CPQ: variants seen among roughly 807,000 people sequenced by gnomAD.
The protein encoded by CPQ is carboxypeptidase Q, also known as Ser-Met dipeptidase.
CPQ carries 37 observed loss-of-function variants against 45.7 expected under a neutral mutation model. The observed-to-expected ratio is 0.81, with a 90% CI of 0.62 to 1.07. The LOEUF (loss-of-function observed/expected upper bound fraction) is 1.07, where lower values mean the gene tolerates loss of function less well. CPQ is among the 50% of genes least tolerant of loss of function. CPQ has a pLI of 0.00. For missense variants in CPQ, 537 were observed against 572.9 expected, an observed-to-expected ratio of 0.94 and a Z score of 0.64; for synonymous variants, 186 against 205.8, an observed-to-expected ratio of 0.90 and a Z score of 0.82.
intron 6 of CPQ, among the ~76,000 whole-genome samples, chr8:97,036,203 G>A (rs1347142116): frequency 6.6e-6 from 1 of 152,102 alleles, no homozygotes; most frequent in African/African-American, 2.4e-5. Context: ...AGAACACATG[G>A]GGGCTGTTGA....
intron 5 of CPQ, among the ~76,000 whole-genome samples, chr8:97,023,076 T>C (rs980994145): frequency 7.3e-6 from 1 of 137,438 alleles, no homozygotes; most frequent in Non-Finnish European, 1.6e-5. Context: ...CTGTAGTGTA[T>C]ATATATACAC....
At chr8:96,817,854 A>G (rs1811250565) in intron 2 of CPQ, among the ~76,000 whole-genome samples, 1 of 151,998 alleles carries the variant, frequency 6.6e-6, no homozygotes, top group African/African-American at 2.4e-5. Context: ...GATTCAAGCA[A>G]TTCTCCTACC....
chr8:96,825,273 AT>A (rs978330541), intron 2 of CPQ, among the ~76,000 whole-genome samples: 8 of 151,962 alleles, frequency 5.3e-5, no homozygotes, highest in Non-Finnish European at 7.4e-5. Context: ...TCTGGAAAAG[AT>A]ACTTTCTCTT....
chr8:96,826,405 G>T (rs942332348), intron 2 of CPQ, among the ~76,000 whole-genome samples: 2 of 151,920 alleles, frequency 1.3e-5, no homozygotes, highest in East Asian at 3.9e-4. Flanking sequence ...ACTCAGTAAT[G>T]CTATGATAAC....
chr8:96,947,360 G>T (rs747463646), intron 4 of CPQ, among the ~76,000 whole-genome samples: 2 of 152,100 alleles, frequency 1.3e-5, no homozygotes, highest in Non-Finnish European at 2.9e-5. Flanking sequence ...GCACAACAAA[G>T]AAATTGCCTA....
chr8:97,076,706 C>A (rs959219677), intron 7 of CPQ, among the ~76,000 whole-genome samples: 1 of 151,874 alleles, frequency 6.6e-6, no homozygotes, highest in Non-Finnish European at 1.5e-5. Context: ...TTTTTTTTAG[C>A]GGGGGAGAGG....
chr8:96,704,373 T>C (rs1204438865), intron 1 of CPQ, among the ~76,000 whole-genome samples: 1 of 152,206 alleles, frequency 6.6e-6, no homozygotes, highest in East Asian at 1.9e-4. Context: ...AGTAGATGCT[T>C]AATAAATGTT....
chr8:96,904,397 T>C (rs532817336), intron 4 of CPQ, among the ~76,000 whole-genome samples: 1 of 152,288 alleles, frequency 6.6e-6, no homozygotes, highest in African/African-American at 2.4e-5. Context: ...AATGTTTACA[T>C]TGTTGTTTTG....
chr8:97,025,543 C>T (rs751956417), intron 5 of CPQ, among the ~76,000 whole-genome samples: 1 of 152,154 alleles, frequency 6.6e-6, no homozygotes, highest in South Asian at 2.1e-4. Context: ...ATGGTCCTCC[C>T]TGCGTCTTCA....
rs535084237 is a variant in CPQ, at chr8:96,769,496, G to A, written c.-34-15368G>A. On this transcript the variant is annotated intron_variant, in intron 1 of 7. Transcript: ENST00000220763. ...TGTTCTCCAGGGCAGCCACCCTCAT[G>A]GTCAGCCCAGCATCCTCAGCTAACA... 2.0e-5 allele frequency among the ~76,000 whole-genome samples: 3 copies of A among 152,222 alleles called. No individual in the cohort carries two copies. In the East Asian group the frequency reaches 5.8e-4, roughly 29 times the overall value.
chr8:96,780,222 T>C (rs1021510283), intron 1 of CPQ, among the ~76,000 whole-genome samples: 3 of 152,196 alleles, frequency 2.0e-5, no homozygotes, highest in African/African-American at 7.2e-5. Context: ...TAGTTAATTA[T>C]GGTAGAAACA....
intron 1 of CPQ, among the ~76,000 whole-genome samples, chr8:96,730,895 ATTTTTTTT>A (rs34672701): frequency 8.2e-6 from 1 of 122,342 alleles, no homozygotes; most frequent in Non-Finnish European, 1.8e-5. Flanking sequence ...ATATATATGC[ATTTTTTTT>A]TAAAAAGATA....
chr8:96,931,686 G>A (rs761164615), intron 4 of CPQ, among the ~76,000 whole-genome samples: 1 of 152,046 alleles, frequency 6.6e-6, no homozygotes, highest in Non-Finnish European at 1.5e-5. Context: ...TGGAGCCCAG[G>A]GACTAACACG....
chr8:97,091,971 C>T (rs1322413907), intron 7 of CPQ, among the ~76,000 whole-genome samples: 1 of 152,018 alleles, frequency 6.6e-6, no homozygotes, highest in Non-Finnish European at 1.5e-5. Context: ...ATCCTAAATG[C>T]CTCTGGTACC....
intron 7 of CPQ, among the ~76,000 whole-genome samples, chr8:97,112,227 G>C (rs948317397): frequency 6.6e-6 from 1 of 150,600 alleles, no homozygotes; most frequent in Non-Finnish European, 1.5e-5. Context: ...GATGAAAACA[G>C]TGTCTACTTC....
chr8:97,006,949 C>T (rs1012228394), intron 5 of CPQ, among the ~76,000 whole-genome samples: 1 of 151,958 alleles, frequency 6.6e-6, no homozygotes, highest in African/African-American at 2.4e-5. Flanking sequence ...TTTGGCAACC[C>T]AAGTATATTA....
At chr8:96,821,223 T>C (rs1292589372) in intron 2 of CPQ, among the ~76,000 whole-genome samples, 1 of 151,382 alleles carries the variant, frequency 6.6e-6, no homozygotes, top group Non-Finnish European at 1.5e-5. Context: ...TTTGCAAATA[T>C]TTTCTCTCAT....
intron 7 of CPQ, among the ~76,000 whole-genome samples, chr8:97,106,084 C>T (rs1356889343): frequency 2.0e-5 from 3 of 152,146 alleles, no homozygotes; most frequent in Admixed American, 6.6e-5. Flanking sequence ...ATGATGGCCA[C>T]GAATGAATCA....
chr8:96,782,038 T>C (rs1044176442), intron 1 of CPQ, among the ~76,000 whole-genome samples: 14 of 152,138 alleles, frequency 9.2e-5, no homozygotes, highest in African/African-American at 2.9e-4. Context: ...TGCTGGAACG[T>C]TGGAGTCTTA....
Sources: gnomAD v4.1 joint callset for allele counts (sites outside exome capture counted in the v4.1 genomes callset) on GRCh38, gnomAD v4.1.1 for gene constraint, MANE v1.5 for transcripts, NCBI Gene and HGNC (gene_info 2026-07-23, HGNC 2026-07-21) for gene names.